RIDA: variants seen among roughly 807,000 people sequenced by gnomAD.
RIDA encodes the protein reactive intermediate imine deaminase A.
Under a neutral mutation model 17.8 loss-of-function variants are expected in RIDA, and 17 were observed. The ratio of observed to expected loss-of-function variants is 0.96; its 90% CI spans 0.65 to 1.43. The LOEUF is 1.43. Ranked by LOEUF, RIDA falls within the 40% of genes most tolerant of loss-of-function variation. RIDA has a pLI of 0.00. For synonymous variants in RIDA, 48 were observed against 55.7 expected (o/e 0.86, Z 0.62); for missense variants, 158 against 161.7 (o/e 0.98, Z 0.12).
At chr8:98,106,725 CA>C (rs899176280) in intron 2 of RIDA, 1 of 156,500 alleles carries the variant, frequency 6.4e-6, no homozygotes. Flanking sequence ...TCCTTTTTCT[CA>C]AAAAAACAAT....
chr8:98,116,959 CG>C (rs1186865356), intron 1 of RIDA, 72 bp downstream of exon 1: 6 of 1,229,324 alleles, frequency 4.9e-6, no homozygotes, highest in Non-Finnish European at 7.0e-6. Flanking sequence ...GGCTCCGGCC[CG>C]GAGTGGCCCC....
At chr8:98,108,865 T>G in intron 1 of RIDA, 114 bp from the exon 2 acceptor site, 1 of 616,492 alleles carries the variant, frequency 1.6e-6, no homozygotes, top group Non-Finnish European at 2.9e-6. Flanking sequence ...AAAAAACAGA[T>G]ACATTGGACT....
chr8:98,105,775 G>T (rs573356855), intron 4 of RIDA, among the ~76,000 whole-genome samples, 163 bp downstream of exon 4: 1 of 152,096 alleles, frequency 6.6e-6, no homozygotes, highest in African/African-American at 2.4e-5. Context: ...TTTTTCATGG[G>T]GGGTATACAA....
chr8:98,114,216 A>G (rs1398841364), intron 1 of RIDA, among the ~76,000 whole-genome samples: 3 of 152,196 alleles, frequency 2.0e-5, no homozygotes. Flanking sequence ...ACACAACCAC[A>G]ACAACCACAA....
At chr8:98,110,775 G>C (rs2130554090) in intron 1 of RIDA, among the ~76,000 whole-genome samples, 1 of 152,244 alleles carries the variant, frequency 6.6e-6, no homozygotes, top group Admixed American at 6.5e-5. Context: ...GAATTGTAAT[G>C]CCCATAATCC....
At chr8:98,110,231 T>G (rs898225789) in intron 1 of RIDA, among the ~76,000 whole-genome samples, 3 of 152,226 alleles carry the variant, frequency 2.0e-5, no homozygotes, top group South Asian at 2.1e-4. Context: ...ATACATTTAC[T>G]AAAACTCATG....
At chr8:98,106,250 G>GAAAT in intron 3 of RIDA, 22 bp downstream of exon 3, 1 of 1,606,188 alleles carries the variant, frequency 6.2e-7, no homozygotes, top group Middle Eastern at 1.7e-4. Flanking sequence ...AAAGAAATGT[G>GAAAT]AAATAATATC....
At chr8:98,110,176 T>C (rs1403437011) in intron 1 of RIDA, among the ~76,000 whole-genome samples, 2 of 152,220 alleles carry the variant, frequency 1.3e-5, no homozygotes, top group Admixed American at 1.3e-4. Context: ...TTGGGAGTGA[T>C]AGAAATATTC....
intron 1 of RIDA, among the ~76,000 whole-genome samples, chr8:98,113,130 C>T (rs983582752): frequency 2.6e-5 from 4 of 152,174 alleles, no homozygotes; most frequent in Admixed American, 2.0e-4. Flanking sequence ...ACCACACGGG[C>T]TACTGCTTCA....
chr8:98,108,697 G>A lies in RIDA; in HGVS notation c.120C>T (p.Asp40=). The change falls in exon 2 of 6, where the codon GAC becomes GAT. Residue 40 remains aspartate (D), a synonymous_variant. Transcript: ENST00000254878. Reference sequence around the variant, plus strand: ...CTGACACAAGCTGTCCACTTGAAGGGTCCATGCCTATCTGTCCTGAAATGT... The same window carrying A: ...CTGACACAAGCTGTCCACTTGAAGGATCCATGCCTATCTGTCCTGAAATGT... The part of the protein sequence containing the change: ...TIYISGQIGM[D]PSSGQLVSGG... 1.2e-6 allele frequency: 2 copies of A among 1,613,802 alleles called. No homozygotes were observed. Among genetic ancestry groups the A allele is most frequent in the Non-Finnish European group, 1.7e-6 (2 of 1,179,774 alleles).
At chr8:98,105,873 C>A (rs1815625358) in intron 4 of RIDA, 65 bp downstream of exon 4, 1 of 946,682 alleles carries the variant, frequency 1.1e-6, no homozygotes, top group South Asian at 1.3e-5. Context: ...AATGCACATT[C>A]ATTAATGTGA....
chr8:98,103,881 G>A (rs1289353431), intron 5 of RIDA, among the ~76,000 whole-genome samples: 5 of 151,776 alleles, frequency 3.3e-5, no homozygotes, highest in East Asian at 1.9e-4. Context: ...CTTGTGATCC[G>A]CCCGCCTCGG....
At chr8:98,106,430 G>T in intron 2 of RIDA, 104 bp from the exon 3 acceptor site, 1 of 935,032 alleles carries the variant, frequency 1.1e-6, no homozygotes, top group Non-Finnish European at 1.7e-6. Flanking sequence ...AATAGCCTAT[G>T]TTGCAGAAAA....
intron 2 of RIDA, among the ~76,000 whole-genome samples, chr8:98,107,970 A>G (rs1263539325): frequency 6.6e-6 from 1 of 152,130 alleles, no homozygotes; most frequent in Non-Finnish European, 1.5e-5. Context: ...GGGTTTCACC[A>G]TGTTGGCCAG....
intron 1 of RIDA, among the ~76,000 whole-genome samples, chr8:98,110,888 T>G (rs1403311952): frequency 1.3e-5 from 2 of 152,092 alleles, no homozygotes; most frequent in Non-Finnish European, 2.9e-5. Context: ...TCTAACAGTT[T>G]TATAAGTGTC....
intron 1 of RIDA, among the ~76,000 whole-genome samples, chr8:98,112,708 A>G (rs1428723601): frequency 6.6e-6 from 1 of 152,202 alleles, no homozygotes; most frequent in African/African-American, 2.4e-5. Flanking sequence ...AAATAATACC[A>G]TCAGTAACAC....
At chr8:98,112,604 A>G (rs1392824295) in intron 1 of RIDA, among the ~76,000 whole-genome samples, 1 of 152,254 alleles carries the variant, frequency 6.6e-6, no homozygotes, top group Non-Finnish European at 1.5e-5. Context: ...CATGATTCAG[A>G]AAGTCTAGAA....
At chr8:98,112,187 C>T (rs1815737964) in intron 1 of RIDA, among the ~76,000 whole-genome samples, 1 of 132,958 alleles carries the variant, frequency 7.5e-6, no homozygotes. Flanking sequence ...ATAAATAAAA[C>T]TATACTAAAC....
At chr8:98,106,094 G>A (rs1234591048) in intron 3 of RIDA, 88 bp from the exon 4 acceptor site, 5 of 1,153,430 alleles carry the variant, frequency 4.3e-6, no homozygotes, top group African/African-American at 1.5e-5. Flanking sequence ...ATCTGAGACT[G>A]TCTTGATTAA....
Sources: allele counts gnomAD v4.1 joint callset (sites outside exome capture counted in the v4.1 genomes callset), GRCh38; gene constraint gnomAD v4.1.1; transcripts MANE v1.5; gene names NCBI Gene and HGNC (gene_info 2026-07-23, HGNC 2026-07-21).